The following RYR1 variants were observed in gnomAD, a reference collection of about 807,000 sequenced individuals.
RYR1 encodes ryanodine receptor 1.
Under a neutral mutation model 583.5 loss-of-function variants are expected in RYR1, and 342 were observed. The ratio of observed to expected loss-of-function variants is 0.59; its 90% CI spans 0.54 to 0.64. The LOEUF is 0.64. Among genes scored for constraint, RYR1 ranks in the 30% least tolerant of loss-of-function variants. RYR1 has a pLI of 0.00. For missense variants in RYR1, 6,032 were observed against 6,917.2 expected (o/e 0.87, Z 4.54); for synonymous variants, 2,791 against 2,822.5 (o/e 0.99, Z 0.35).
chr19:38,506,419 G>T lies in RYR1; in HGVS notation c.8616+42G>T, dbSNP rs752780360. On this transcript the variant is annotated intron_variant, in intron 55 of 105. Transcript: ENST00000359596. The stretch of plus-strand genomic sequence containing the variant: ...TTTTGGGGGGACATAGGGTGTCTTT[G>T]GGGGGGCTGGCATCCTCTGAATCTA... 10 of 1,613,258 alleles carry T rather than the reference G, an allele frequency of 6.2e-6. No homozygotes were observed. In the Admixed American group the frequency reaches 1.2e-4, roughly 19 times the overall value.
chr19:38,523,543 CT>C, intron 69 of RYR1: 2 of 613,464 alleles, frequency 3.3e-6, no homozygotes, highest in Non-Finnish European at 5.8e-6. Context: ...CTTCTCTCAT[CT>C]CTGTCTCCTT....
rs779349184 is a variant in RYR1 at position 38,499,659 on chromosome 19, A to G, written c.7052A>G (p.Asn2351Ser). The G allele has an allele frequency of 2.4e-5, 39 of 1,598,988 alleles. No homozygotes were observed. Among genetic ancestry groups the G allele is most frequent in the East Asian group, 1.3e-4 (6 of 44,878 alleles). The part of the protein sequence containing the change: ...VNGESVEENA[N>S]VVVRLLIRKP... ...GGCGAGAGCGTGGAGGAGAACGCCA[A>G]TGTGGTGGTGCGGCTGCTCATCCGG... Residue 2351 changes from asparagine to serine, a missense_variant, in exon 44 of 106, where the codon AAT becomes AGT. Asn to Ser is a conservative substitution (Grantham distance 46, BLOSUM62 1). Coordinates refer to ENST00000359596, the MANE Select transcript of RYR1 (RefSeq NM_000540.3). The surrounding 1 kb of genome is among the most constrained non-coding windows in gnomAD (Gnocchi z 7.3).
In RYR1 at chr19:38,463,788, C is replaced by T; in HGVS notation, c.2724C>T (p.Asp908=). 6.2e-7 allele frequency: 1 copy of T among 1,614,078 alleles called. No individual in the cohort carries two copies. Among genetic ancestry groups the T allele is most frequent in the East Asian group, 2.2e-5 (1 of 44,876 alleles). Residue 908 remains aspartate (D), a synonymous_variant, in exon 22 of 106, where the codon GAC becomes GAT. Coordinates refer to ENST00000359596, the MANE Select transcript of RYR1 (RefSeq NM_000540.3). ...AGAGGCTGCACCCGTGTCTTGTGGA[C>T]TTCCACAGCCTTCCAGAGCCTGAGA... ...DNKRLHPCLV[D]FHSLPEPERN... is the part of the protein sequence containing the mutation.
chr19:38,573,616 G>T (rs1973825702), intron 96 of RYR1, among the ~76,000 whole-genome samples: 1 of 151,478 alleles, frequency 6.6e-6, no homozygotes. Context: ...GGATGTGGAG[G>T]ATGCAGTGAG....
At chr19:38,580,591 G>T (rs569425287) in intron 101 of RYR1, 87 bp downstream of exon 101, 256 of 1,544,306 alleles carry the variant, frequency 1.7e-4, no homozygotes, top group Non-Finnish European at 2.1e-4. Context: ...CGGGCGTGGT[G>T]CCTCCAGCCT....
At chr19:38,474,735 C>T (rs370532846) in intron 28 of RYR1, among the ~76,000 whole-genome samples, 25 of 151,504 alleles carry the variant, frequency 1.7e-4, no homozygotes, top group African/African-American at 6.1e-4. Context: ...CCACCACACC[C>T]GGCTAATTTT....
intron 29 of RYR1, among the ~76,000 whole-genome samples, chr19:38,476,802 G>A (rs530472909): frequency 5.7e-4 from 87 of 152,246 alleles, no homozygotes; most frequent in Non-Finnish European, 1.0e-3. Flanking sequence ...AGGTGCTATG[G>A]TTTTCCATCA....
At chr19:38,523,880 C>A in intron 69 of RYR1, 35 bp from the exon 70 acceptor site, 1 of 1,613,948 alleles carries the variant, frequency 6.2e-7, no homozygotes, top group South Asian at 1.1e-5. Context: ...GCTGGGGTAA[C>A]CCTTCTTGTC....
At chr19:38,586,957 C>T (rs1478386835) in intron 105 of RYR1, among the ~76,000 whole-genome samples, 1 of 150,354 alleles carries the variant, frequency 6.7e-6, no homozygotes, top group African/African-American at 2.5e-5. Context: ...GGTGACAGAG[C>T]GATACTCCAT....
In RYR1 at chr19:38,469,391, A is replaced by G. The variant is rs1283129743; in HGVS notation, c.3643A>G (p.Ile1215Val). The G allele has an allele frequency of 6.2e-7, 1 of 1,613,956 alleles. No homozygotes were observed. The change falls in exon 27 of 106, where the codon ATC becomes GTC. Residue 1215 changes from isoleucine (I) to valine (V), a missense_variant. By Grantham distance (29) the Ile-to-Val change is conservative. This residue lies in a region of RYR1 where 2,627 missense variants were observed against 2,961.3 expected (regional missense o/e 0.89). Transcript: ENST00000359596. ...QDVSSLRFFAICGLQEGFEPF... is the reference protein window; with the variant it reads ...QDVSSLRFFAVCGLQEGFEPF... The stretch of plus-strand genomic sequence containing the variant: ...CGTGAGCTCTCTGAGGTTCTTTGCC[A>G]TCTGTGGCCTCCAGGAAGGCTTCGA...
rs1312326853 is a variant in RYR1, at chr19:38,459,024, T to C, written c.2168-122T>C. The C allele has an allele frequency of 8.1e-6, 7 of 865,382 alleles. No individual in the cohort carries two copies. The East Asian group carries it at 1.8e-4, about 22-fold the overall frequency. 53.6% of individuals were successfully genotyped at this position (865,382 alleles called of 1,614,324 possible). A position where few individuals can be genotyped will look rare whatever the true frequency, so the allele number is the denominator to read the frequency against. On this transcript the variant is annotated intron_variant, in intron 18 of 105. Coordinates refer to ENST00000359596, the MANE Select transcript of RYR1 (RefSeq NM_000540.3). ...GCTACGGGAGCATCCAAGGGAGCAC[T>C]TTCCATTAGGGTTTCCAGGATGCAA...
chr19:38,503,045 C>T (rs990306062), intron 49 of RYR1, 75 bp downstream of exon 49: 5 of 1,453,678 alleles, frequency 3.4e-6, no homozygotes, highest in Non-Finnish European at 4.8e-6. Context: ...TACTGCGGGG[C>T]TCATTTGTGT....
intron 76 of RYR1, among the ~76,000 whole-genome samples, chr19:38,529,490 G>C (rs183509389): frequency 8.7e-4 from 133 of 152,140 alleles, no homozygotes; most frequent in Middle Eastern, 3.4e-3. Context: ...AAAAAGAAAA[G>C]AAAAGGAACG....
chr19:38,586,139 C>T lies in RYR1; in HGVS notation c.14917C>T (p.Pro4973Ser), dbSNP rs747622915. 21 of 1,614,026 alleles carry T rather than the reference C, an allele frequency of 1.3e-5. No individual in the cohort carries two copies. The highest frequency in any genetic ancestry group is 1.7e-5 in the Non-Finnish European group (20 of 1,180,044). ...GIGSDYFDTT[P>S]HGFETHTLEE... is the part of the protein sequence containing the mutation. The stretch of plus-strand genomic sequence containing the variant: ...CGGCAGTGACTACTTTGATACGACA[C>T]CGCATGGCTTCGAGACTCACACGCT... Residue 4973 changes from proline (P) to serine (S), a missense_variant, in exon 104 of 106, where the codon CCG becomes TCG. Coordinates refer to ENST00000359596, the MANE Select transcript of RYR1 (RefSeq NM_000540.3).
At chr19:38,524,009 A>C (rs1441167662) in intron 70 of RYR1, 80 bp downstream of exon 70, 1 of 1,501,014 alleles carries the variant, frequency 6.7e-7, no homozygotes, top group East Asian at 2.4e-5. Flanking sequence ...CCCCGCCTCG[A>C]GAAAACCCCT....
chr19:38,476,034 T>G (rs993271754), intron 29 of RYR1, among the ~76,000 whole-genome samples: 2 of 152,078 alleles, frequency 1.3e-5, no homozygotes, highest in African/African-American at 2.4e-5. Flanking sequence ...TTTTTCTTTT[T>G]ATTTTTGAGA....
chr19:38,507,815 A>T lies in RYR1; in HGVS notation c.8920A>T (p.Ile2974Phe), dbSNP rs1010807883. 6.2e-7 allele frequency: 1 copy of T among 1,611,022 alleles called. No homozygotes were observed. The highest frequency in any genetic ancestry group is 1.3e-5 in the African/African-American group (1 of 74,750). ...LRWMDISQEF[I>F]AHLEAVVSSG... ...CTGGATGGACATTTCTCAGGAGTTCATTGCCCACCTGGGTACGGAGAAATA... is the reference window on the plus strand; with the variant it reads ...CTGGATGGACATTTCTCAGGAGTTCTTTGCCCACCTGGGTACGGAGAAATA... The change falls in exon 58 of 106, where the codon ATT becomes TTT. Residue 2974 changes from isoleucine (I) to phenylalanine (F), a missense_variant. This residue lies in a region of RYR1 where 1,493 missense variants were observed against 1,715.5 expected (regional missense o/e 0.87). Coordinates refer to ENST00000359596, the MANE Select transcript of RYR1 (RefSeq NM_000540.3).
At chr19:38,507,046 G>GT (rs1970489465) in intron 57 of RYR1, 94 bp downstream of exon 57, 1 of 1,579,868 alleles carries the variant, frequency 6.3e-7, no homozygotes, top group Non-Finnish European at 8.6e-7. Context: ...GGAGCCGAGA[G>GT]GAACGGGGCC....
chr19:38,434,014 T>A, intron 1 of RYR1, 140 bp downstream of exon 1: 1 of 802,274 alleles, frequency 1.2e-6, no homozygotes, highest in African/African-American at 1.7e-5. Flanking sequence ...TGAGTGACTG[T>A]CACTCTGTCT....
Sources: allele counts gnomAD v4.1 joint callset (sites outside exome capture counted in the v4.1 genomes callset), GRCh38; gene constraint gnomAD v4.1.1; regional missense constraint gnomAD v4.1.1; non-coding constraint Gnocchi (gnomAD v3.1); transcripts MANE v1.5; gene names NCBI Gene and HGNC (gene_info 2026-07-23, HGNC 2026-07-21).